Variants in DPP6 observed in about 807,000 individuals in gnomAD.
DPP6 encodes A-type potassium channel modulatory protein DPP6.
A neutral mutation model predicts 122.6 loss-of-function variants in DPP6; 69 were observed. The ratio of observed to expected loss-of-function variants is 0.56; its 90% confidence interval spans 0.46 to 0.69. The LOEUF is 0.69. Among genes scored for constraint, DPP6 ranks in the 30% least tolerant of loss-of-function variants. The probability of loss-of-function intolerance (pLI) is 0.00; values close to 1 mark genes in which losing one functional copy is unlikely to be tolerated. For synonymous variants in DPP6, 418 were observed against 433.1 expected, an observed-to-expected ratio of 0.97 and a Z score of 0.43; for missense variants, 928 against 1,116.9, an observed-to-expected ratio of 0.83 and a Z score of 2.41.
chr7:154,831,341 C>T (rs1161956717), intron 16 of DPP6, among the ~76,000 whole-genome samples: 1 of 152,198 alleles, frequency 6.6e-6, no homozygotes, highest in Non-Finnish European at 1.5e-5. Flanking sequence ...GGTAGAGACC[C>T]TCCCTACTCC....
chr7:154,274,846 A>C (rs1420057866), intron 1 of DPP6, among the ~76,000 whole-genome samples: 2 of 152,216 alleles, frequency 1.3e-5, no homozygotes, highest in Non-Finnish European at 1.5e-5. Context: ...ATGAAATGTC[A>C]GGAATAATTT....
chr7:153,936,836 A>G (rs923570101), intron 1 of DPP6, among the ~76,000 whole-genome samples: 3 of 151,640 alleles, frequency 2.0e-5, no homozygotes, highest in Admixed American at 6.6e-5. Flanking sequence ...TGTGAGAGGA[A>G]GTGACGCGTG....
chr7:153,757,591 G>A, the DPP6 span, among the ~76,000 whole-genome samples: 1 of 152,190 alleles, frequency 6.6e-6, no homozygotes, highest in Non-Finnish European at 1.5e-5. Context: ...TTGTTCACCT[G>A]TGTGAAAGCT....
chr7:154,076,217 AGGCAGGTGGAT>A (rs1377297279), intron 1 of DPP6, among the ~76,000 whole-genome samples: 1 of 152,218 alleles, frequency 6.6e-6, no homozygotes, highest in African/African-American at 2.4e-5. Context: ...TGGGAGGCCA[AGGCAGGTGGAT>A]CGCCTGAGGT....
chr7:154,052,568 C>G lies in DPP6; in HGVS notation c.-253C>G. 4 of 1,153,934 alleles carry G rather than the reference C, an allele frequency of 3.5e-6. No individual in the cohort carries two copies. Among genetic ancestry groups the G allele is most frequent in the Non-Finnish European group, 4.4e-6 (4 of 918,262 alleles). 71.5% of individuals were successfully genotyped at this position (1,153,934 alleles called of 1,614,324 possible). ...AAACAGGAAAGAGAGAAAGCACAGC[C>G]AGAGCCCCGGCTTCGCGAGCCGCCG... On this transcript the variant is annotated 5_prime_UTR_variant, in exon 1 of 26. Coordinates refer to ENST00000377770, the MANE Select transcript of DPP6 (RefSeq NM_130797.4). This position sits in a 1 kb window ranked among gnomAD's most constrained non-coding sequence, Gnocchi z 4.8.
chr7:153,791,097 A>T, the DPP6 span, among the ~76,000 whole-genome samples: 287 of 152,332 alleles, frequency 1.9e-3, 1 homozygote, highest in African/African-American at 4.8e-3. Flanking sequence ...TTAATTTGTT[A>T]TAAAAGGCTC....
At chr7:154,389,717 G>T (rs1440780546) in intron 1 of DPP6, among the ~76,000 whole-genome samples, 1 of 97,620 alleles carries the variant, frequency 1.0e-5, no homozygotes, top group African/African-American at 2.5e-5. Flanking sequence ...CTTGCATTCT[G>T]GCAGTCCTCA....
At chr7:153,814,539 A>G in the DPP6 span, among the ~76,000 whole-genome samples, 4 of 152,246 alleles carry the variant, frequency 2.6e-5, no homozygotes, top group East Asian at 3.9e-4. Context: ...ACAAGGAGGA[A>G]CTGGTACCAT....
At chr7:154,687,975 T>A (rs920337646) in intron 7 of DPP6, among the ~76,000 whole-genome samples, 1 of 152,242 alleles carries the variant, frequency 6.6e-6, no homozygotes, top group Non-Finnish European at 1.5e-5. Flanking sequence ...ATCAAACTTC[T>A]GTGTATGGGT....
At chr7:154,269,121 C>T (rs1803626352) in intron 1 of DPP6, among the ~76,000 whole-genome samples, 1 of 150,698 alleles carries the variant, frequency 6.6e-6, no homozygotes, top group Non-Finnish European at 1.5e-5. Flanking sequence ...CCCATGTGAT[C>T]CAAAAGACAC....
At chr7:153,943,856 AG>A in intron 1 of DPP6, among the ~76,000 whole-genome samples, 1 of 86,946 alleles carries the variant, frequency 1.2e-5, no homozygotes, top group Admixed American at 1.2e-4. Flanking sequence ...CCCGAGTCTG[AG>A]TGATGCTCTG....
intron 1 of DPP6, among the ~76,000 whole-genome samples, chr7:154,311,095 TATC>T (rs1806837522): frequency 6.6e-6 from 1 of 152,166 alleles, no homozygotes; most frequent in African/African-American, 2.4e-5. Context: ...GTAGGGGGTG[TATC>T]ATCTTGTTTC....
intron 1 of DPP6, among the ~76,000 whole-genome samples, chr7:153,966,409 A>G (rs934926771): frequency 1.3e-5 from 2 of 149,264 alleles, no homozygotes; most frequent in Admixed American, 6.8e-5. Flanking sequence ...TCAGTGGTGA[A>G]AGAGAGAGAA....
intron 1 of DPP6, among the ~76,000 whole-genome samples, chr7:154,175,350 C>T (rs530829111): frequency 6.6e-6 from 1 of 152,164 alleles, no homozygotes; most frequent in Admixed American, 6.5e-5. Context: ...AAGCAACAGA[C>T]GAGGTCAAAG....
intron 16 of DPP6, among the ~76,000 whole-genome samples, chr7:154,851,976 A>G (rs1484257669): frequency 6.6e-6 from 1 of 152,146 alleles, no homozygotes; most frequent in Non-Finnish European, 1.5e-5. Flanking sequence ...AGCATGACCC[A>G]CAGTCTGTGT....
chr7:154,061,225 G>A (rs1203462906), intron 1 of DPP6, among the ~76,000 whole-genome samples: 6 of 149,488 alleles, frequency 4.0e-5, no homozygotes, highest in South Asian at 4.2e-4. Context: ...GGTCACAAAG[G>A]GGGCGGGGAC....
chr7:153,875,174 A>C, the DPP6 span, among the ~76,000 whole-genome samples: 1 of 152,224 alleles, frequency 6.6e-6, no homozygotes, highest in Non-Finnish European at 1.5e-5. Flanking sequence ...TAATGACTGT[A>C]TAAGAGTGCA....
chr7:154,453,845 A>G (rs73169374), intron 2 of DPP6, among the ~76,000 whole-genome samples: 4,187 of 152,236 alleles, frequency 0.028, 80 homozygotes, highest in Non-Finnish European at 0.042. Flanking sequence ...TGTGAGATTC[A>G]TAGTTGTATT....
At chr7:154,128,033 CACAGAGGGATGCCTGGCA>C (rs1808065639) in intron 1 of DPP6, among the ~76,000 whole-genome samples, 1 of 149,960 alleles carries the variant, frequency 6.7e-6, no homozygotes, top group South Asian at 2.2e-4. Context: ...AGAACGTCTC[CACAGAGGGATGCCTGGCA>C]ACACAGGAGC....
Sources: gnomAD v4.1 joint callset for allele counts (sites outside exome capture counted in the v4.1 genomes callset) on GRCh38, gnomAD v4.1.1 for gene constraint, Gnocchi (gnomAD v3.1) non-coding constraint, MANE v1.5 for transcripts, NCBI Gene and HGNC (gene_info 2026-07-23, HGNC 2026-07-21) for gene names.